ZNF608: variants seen among roughly 807,000 people sequenced by gnomAD.
ZNF608 encodes renal carcinoma antigen NY-REN-36.
ZNF608 carries 12 observed loss-of-function variants against 109.0 expected under a neutral mutation model. The observed-to-expected ratio is 0.11, with a 90% CI of 0.07 to 0.18. The LOEUF (loss-of-function observed/expected upper bound fraction) is 0.18, where lower values mean the gene tolerates loss of function less well. Ranked by LOEUF, ZNF608 falls within the 10% of genes least tolerant of loss-of-function variation. The pLI is 1.00. For missense variants in ZNF608, 1,707 were observed against 1,879.3 expected (o/e 0.91, Z 1.70); for synonymous variants, 732 against 717.4 (o/e 1.02, Z -0.33).
At chr5:124,735,821 G>A (rs1452685157) in intron 2 of ZNF608, among the ~76,000 whole-genome samples, 1 of 152,124 alleles carries the variant, frequency 6.6e-6, no homozygotes, top group Non-Finnish European at 1.5e-5. Flanking sequence ...GCTCCCTTTT[G>A]GGGGCAGAAA....
In ZNF608 at chr5:124,744,651, C is replaced by G; in HGVS notation, c.339G>C (p.Lys113Asn). The change falls in exon 2 of 10, where the codon AAG becomes AAC. Residue 113 changes from lysine to asparagine, a missense_variant. Physicochemically the swap from Lys to Asn is moderately conservative, Grantham distance 94. Transcript: ENST00000513986. The surrounding 1 kb of genome is among the most constrained non-coding windows in gnomAD (Gnocchi z 4.5). ...CAGAAGGCAGAGATTTATTAGCATC[C>G]TTAGAAGTTTTACTCCTTTTCACTT... ...KSKVKRSKTS[K>N]DANKSLPSAA... 1.2e-6 allele frequency: 2 copies of G among 1,614,212 alleles called. No homozygotes were observed. The highest frequency in any genetic ancestry group is 2.7e-5 in the African/African-American group (2 of 75,058).
In ZNF608 at chr5:124,649,648, G is replaced by A. The variant is rs144612616; in HGVS notation, c.1212C>T (p.Thr404=). Residue 404 remains threonine (T), a synonymous_variant, in exon 4 of 10, where the codon ACC becomes ACT. Transcript: ENST00000513986. The part of the protein sequence containing the change: ...VTWRNKTYVG[T]LLDCTKHDWA... ...AGTCGTGCTTGGTGCAGTCCAGTAG[G>A]GTTCCCACGTACGTTTTGTTCCTCC... 1.7e-3 allele frequency: 2,740 copies of A among 1,609,818 alleles called. 29 individuals carry two copies. In the African/African-American group the frequency reaches 0.022, roughly 13 times the overall value.
intron 2 of ZNF608, among the ~76,000 whole-genome samples, chr5:124,724,707 A>G (rs1044555201): frequency 6.6e-6 from 1 of 152,130 alleles, no homozygotes; most frequent in Non-Finnish European, 1.5e-5. Flanking sequence ...CTTCAGAGAA[A>G]GGTACCATTT....
upstream of ZNF608, chr5:124,748,491 C>T (rs1181578296): frequency 2.1e-6 from 2 of 975,286 alleles, no homozygotes; most frequent in Non-Finnish European, 2.4e-6. Context: ...ATGAAGTCCC[C>T]GCTAAGTGCT....
Position 124,727,634 on chromosome 5 carries a change from T to TA in ZNF608, c.906+16449dup, listed in dbSNP as rs1234573416. Among the ~76,000 whole-genome samples the TA allele has an allele frequency of 4.9e-3, 103 of 21,024 alleles. 1 individual carries two copies. Among genetic ancestry groups the TA allele is most frequent in the Middle Eastern group, 0.05 (1 of 20 alleles). The allele number at this position is 21,024 out of a possible 152,430, so 13.8% of individuals were successfully genotyped here. On this transcript the variant is annotated intron_variant, in intron 2 of 9. Coordinates refer to ENST00000513986, the MANE Select transcript of ZNF608 (RefSeq NM_020747.3). ...TCACTTCTTAGTTATAAAAGTCCCT[T>TA]AAAAAAAAAAATCAGACCAAAAAAA...
At chr5:124,714,139 AAAC>A (rs1433270590) in intron 2 of ZNF608, among the ~76,000 whole-genome samples, 2 of 151,520 alleles carry the variant, frequency 1.3e-5, no homozygotes, top group Admixed American at 1.3e-4. Flanking sequence ...TTTTTAAAAA[AAAC>A]AACATTGTCA....
At chr5:124,645,251 CA>C (rs1168479386) in intron 5 of ZNF608, among the ~76,000 whole-genome samples, 1 of 152,188 alleles carries the variant, frequency 6.6e-6, no homozygotes, top group Non-Finnish European at 1.5e-5. Context: ...TTAATCAAAA[CA>C]AAATTTCAAA....
At chr5:124,644,186 A>C (rs1183575331) in intron 6 of ZNF608, 58 bp downstream of exon 6, 5 of 1,434,566 alleles carry the variant, frequency 3.5e-6, no homozygotes, top group Non-Finnish European at 3.8e-6. Flanking sequence ...AGTTTTTAAC[A>C]GCTAATATTT....
intron 3 of ZNF608, among the ~76,000 whole-genome samples, chr5:124,697,974 C>T (rs1286862706): frequency 6.6e-6 from 1 of 152,200 alleles, no homozygotes; most frequent in Non-Finnish European, 1.5e-5. Flanking sequence ...ACAATACTCT[C>T]TCTCCAAGTG....
At chr5:124,641,609 A>G (rs111241745) in intron 7 of ZNF608, among the ~76,000 whole-genome samples, 3,666 of 152,320 alleles carry the variant, frequency 0.024, 137 homozygotes, top group African/African-American at 0.083. Context: ...GAACTACTCC[A>G]CCCAAAGTAA....
At position 124,692,001 on chromosome 5, in the gene ZNF608, A is replaced by G. The variant is rs184083317; in HGVS notation, c.1162+9013T>C. Among the ~76,000 whole-genome samples, 1,288 of 152,256 alleles carry G rather than the reference A, an allele frequency of 8.5e-3. 12 individuals are homozygous for G. Among genetic ancestry groups the G allele is most frequent in the South Asian group, 0.025 (121 of 4,832 alleles). On this transcript the variant is annotated intron_variant, in intron 3 of 9. Transcript: ENST00000513986. ...AGAGTTTTTTCCCATCTACATTTTT[A>G]CTTTTCTTCCCAAATCTCCTAAAAT...
chr5:124,691,119 T>C (rs79132161), intron 3 of ZNF608, among the ~76,000 whole-genome samples: 4,247 of 152,124 alleles, frequency 0.028, 97 homozygotes, highest in Admixed American at 0.039. Flanking sequence ...GAGACCCCCG[T>C]CTCAGCCAGG....
chr5:124,717,682 G>A (rs1381447627), intron 2 of ZNF608, among the ~76,000 whole-genome samples: 1 of 152,002 alleles, frequency 6.6e-6, no homozygotes, highest in Non-Finnish European at 1.5e-5. Context: ...GTCCTTTTTT[G>A]TTGTTGTTTT....
chr5:124,639,278 G>T (rs1168597710), intron 8 of ZNF608, 64 bp from the exon 9 acceptor site: 2 of 1,429,292 alleles, frequency 1.4e-6, no homozygotes, highest in Non-Finnish European at 2.0e-6. Flanking sequence ...TACAGGCCCA[G>T]TGGAGAAGGG....
intron 3 of ZNF608, among the ~76,000 whole-genome samples, chr5:124,671,994 C>A (rs1489313113): frequency 6.6e-6 from 1 of 151,924 alleles, no homozygotes; most frequent in Non-Finnish European, 1.5e-5. Context: ...TCAGAGAAGC[C>A]CAATTCTACA....
At chr5:124,656,799 A>AACACAC (rs35634231) in intron 3 of ZNF608, among the ~76,000 whole-genome samples, 3,903 of 123,934 alleles carry the variant, frequency 0.031, 108 homozygotes, top group Non-Finnish European at 0.039. Context: ...ATAAGCCCTA[A>AACACAC]ACACACACAC....
intron 3 of ZNF608, among the ~76,000 whole-genome samples, chr5:124,694,301 T>A (rs1038633713): frequency 4.0e-5 from 6 of 151,650 alleles, no homozygotes; most frequent in African/African-American, 1.5e-4. Flanking sequence ...CCCTCATTAA[T>A]CTTAAAATGA....
chr5:124,684,784 A>G (rs1319048577), intron 3 of ZNF608, among the ~76,000 whole-genome samples: 1 of 152,148 alleles, frequency 6.6e-6, no homozygotes, highest in Non-Finnish European at 1.5e-5. Flanking sequence ...AGTTACAGCA[A>G]TCACGCCATT....
intron 3 of ZNF608, among the ~76,000 whole-genome samples, chr5:124,660,554 T>A (rs972234547): frequency 6.6e-6 from 1 of 152,062 alleles, no homozygotes; most frequent in Admixed American, 6.6e-5. Flanking sequence ...ACAGTGGCCA[T>A]CAAATGGAGC....
Sources: gnomAD v4.1 joint callset for allele counts (sites outside exome capture counted in the v4.1 genomes callset) on GRCh38, gnomAD v4.1.1 for gene constraint, Gnocchi (gnomAD v3.1) non-coding constraint, MANE v1.5 for transcripts, NCBI Gene and HGNC (gene_info 2026-07-23, HGNC 2026-07-21) for gene names.